ALG13: variants seen among roughly 807,000 people sequenced by gnomAD.
The protein encoded by ALG13 is UDP-N-acetylglucosamine transferase subunit ALG13.
A neutral mutation model predicts 87.8 loss-of-function variants in ALG13; 11 were observed. The observed-to-expected ratio is 0.13, with a 90% confidence interval of 0.08 to 0.21. The LOEUF is 0.21. Ranked by LOEUF, ALG13 falls within the 10% of genes least tolerant of loss-of-function variation. ALG13 has a pLI of 1.00. For missense variants in ALG13, 756 were observed against 866.1 expected (o/e 0.87, Z 1.60); for synonymous variants, 320 against 306.3 (o/e 1.04, Z -0.47).
intron 24 of ALG13, among the ~76,000 whole-genome samples, chrX:111,746,662 T>C (rs1176521593): frequency 8.9e-6 from 1 of 112,429 alleles, no homozygotes; most frequent in East Asian, 2.8e-4. Flanking sequence ...GTAGAAGTCT[T>C]TGTAAACAGA....
At chrX:111,681,688 C>G in intron 1 of ALG13, 1 of 847,680 alleles carries the variant, frequency 1.2e-6, no homozygotes, top group Non-Finnish European at 1.4e-6. Flanking sequence ...GTGGACCGCA[C>G]GTCGGCGCCG....
At chrX:111,729,325 G>A (rs929703729) in intron 19 of ALG13, among the ~76,000 whole-genome samples, 4 of 111,616 alleles carry the variant, frequency 3.6e-5, no homozygotes, top group African/African-American at 1.3e-4. Flanking sequence ...TTAAGGAGGT[G>A]TCAGGCATTC....
intron 3 of ALG13, among the ~76,000 whole-genome samples, chrX:111,693,720 A>C (rs1275724568): frequency 4.5e-5 from 5 of 111,859 alleles, no homozygotes; most frequent in Non-Finnish European, 9.4e-5. Context: ...ATAGCTTTGA[A>C]CATGATTTTA....
In ALG13 at chrX:111,730,657, G is replaced by A. The variant is rs1461359285; in HGVS notation, c.2457+77G>A. 6 of 792,886 alleles carry A rather than the reference G, an allele frequency of 7.6e-6. 1 individual carries two copies. Among genetic ancestry groups the A allele is most frequent in the South Asian group, 5.2e-5 (2 of 38,810 alleles). The allele number at this position is 792,886 out of a possible 1,213,427, so 65.3% of individuals were successfully genotyped here. On this transcript the variant is annotated intron_variant, in intron 21 of 26. Transcript: ENST00000394780. ...ACTGTTAAGAGCTATACATATAAAT[G>A]TATTTAAATCAGAACAACCCTGTGA...
intron 3 of ALG13, among the ~76,000 whole-genome samples, chrX:111,695,237 C>T (rs1936793614): frequency 9.0e-6 from 1 of 111,527 alleles, no homozygotes; most frequent in Non-Finnish European, 1.9e-5. Context: ...CAAAAAACAA[C>T]CTTCTGCTGG....
chrX:111,711,798 G>C (rs1368858147), intron 6 of ALG13, 73 bp downstream of exon 6: 1 of 1,023,535 alleles, frequency 9.8e-7, no homozygotes, highest in African/African-American at 1.9e-5. Context: ...TCATTCAACT[G>C]TATTATTTTA....
chrX:111,684,627 T>G (rs1238469172), intron 2 of ALG13, among the ~76,000 whole-genome samples: 1 of 112,109 alleles, frequency 8.9e-6, no homozygotes. Context: ...ACCTAGCCTG[T>G]TTTCAACTTA....
intron 3 of ALG13, chrX:111,688,582 C>A: frequency 1.3e-6 from 1 of 748,552 alleles, no homozygotes; most frequent in Non-Finnish European, 1.6e-6. Flanking sequence ...TTTTCTAAAA[C>A]ATACAAAGTG....
At chrX:111,757,430 C>T in intron 25 of ALG13, 158 bp from the exon 26 acceptor site, 2 of 381,662 alleles carry the variant, frequency 5.2e-6, no homozygotes, top group Non-Finnish European at 9.0e-6. Context: ...AGAGAACAGA[C>T]TGTCAAGTTT....
rs761077008 is a variant in ALG13 at position 111,726,903 on chromosome X, C to A, written c.1824C>A (p.Asp608Glu). 8.3e-7 allele frequency: 1 copy of A among 1,210,912 alleles called. No homozygotes were observed. Among genetic ancestry groups the A allele is most frequent in the East Asian group, 3.0e-5 (1 of 33,818 alleles). ...TGACTATGGCTTACGGCAAGGGAGA[C>A]CCCCTCCTCCCACCCAGGCTGCAGC... Reference protein sequence around the residue: ...VYMTMAYGKGDPLLPPRLQHS... With the variant: ...VYMTMAYGKGEPLLPPRLQHS... The change falls in exon 16 of 27, where the codon GAC becomes GAA. Residue 608 changes from aspartate (D) to glutamate (E), a missense_variant. This residue lies in a region of ALG13 where 362 missense variants were observed against 383.5 expected (regional missense o/e 0.94). Coordinates refer to ENST00000394780, the MANE Select transcript of ALG13 (RefSeq NM_001099922.3).
intron 25 of ALG13, among the ~76,000 whole-genome samples, chrX:111,754,685 G>A (rs1409790485): frequency 9.0e-6 from 1 of 111,409 alleles, no homozygotes; most frequent in Non-Finnish European, 1.9e-5. Context: ...TTGCTACAAA[G>A]AGAATAAAAT....
In ALG13 at chrX:111,711,687, T is replaced by C; in HGVS notation, c.847T>C (p.Ser283Pro). The C allele has an allele frequency of 8.3e-7, 1 of 1,208,211 alleles. No homozygotes were observed. The highest frequency in any genetic ancestry group is 1.1e-6 in the Non-Finnish European group (1 of 893,265). ...QQTFESYVEG[S>P]FEKYLERLGD... ...TTTATTTTTGAAGTATGTGGAGGGA[T>C]CTTTTGAGAAATACCTGGAACGGTT... The change falls in exon 6 of 27, where the codon TCT (serine) becomes CCT (proline). Residue 283 changes from serine to proline, a missense_variant. Around this residue, in one of 9 missense-constraint regions of ALG13, gnomAD observed 60 missense variants for 54.5 expected, o/e 1.10. Coordinates refer to ENST00000394780, the MANE Select transcript of ALG13 (RefSeq NM_001099922.3).
chrX:111,745,815 A>G (rs1254165330), intron 24 of ALG13, among the ~76,000 whole-genome samples: 4 of 111,208 alleles, frequency 3.6e-5, no homozygotes, highest in Non-Finnish European at 7.5e-5. Context: ...TAATAGTGGT[A>G]TCATTTCCAC....
At chrX:111,739,282 C>T (rs1758365939) in intron 23 of ALG13, among the ~76,000 whole-genome samples, 1 of 111,882 alleles carries the variant, frequency 8.9e-6, no homozygotes, top group Admixed American at 9.5e-5. Flanking sequence ...ACAAGAACAG[C>T]ATAGGGGAAA....
At chrX:111,683,487 G>A (rs1602483102) in intron 2 of ALG13, among the ~76,000 whole-genome samples, 1 of 107,666 alleles carries the variant, frequency 9.3e-6, no homozygotes, top group South Asian at 4.2e-4. Flanking sequence ...ACACTACCAC[G>A]CCCCGGCTAA....
At position 111,726,590 on chromosome X, in the gene ALG13, G is replaced by A. The variant is rs749905720; in HGVS notation, c.1730-219G>A. Among the ~76,000 whole-genome samples the A allele has an allele frequency of 5.4e-5, 6 of 110,749 alleles. No individual in the cohort carries two copies. The East Asian group carries it at 1.1e-3, about 21-fold the overall frequency. ...ACCTGCCCATGCTGGGGATAGTGCC[G>A]AGATATACCCATTGATACAGAAATT... On this transcript the variant is annotated intron_variant, in intron 15 of 26. Coordinates refer to ENST00000394780, the MANE Select transcript of ALG13 (RefSeq NM_001099922.3).
intron 3 of ALG13, among the ~76,000 whole-genome samples, chrX:111,695,499 G>C (rs1365156024): frequency 5.5e-5 from 6 of 108,244 alleles, no homozygotes; most frequent in Non-Finnish European, 1.1e-4. Flanking sequence ...CTCCAGTCTG[G>C]GCAACAAGAG....
chrX:111,722,900 G>A, intron 13 of ALG13, 43 bp downstream of exon 13: 4 of 982,853 alleles, frequency 4.1e-6, no homozygotes, highest in Non-Finnish European at 5.7e-6. Context: ...TTAAGAATGT[G>A]CTTTTTGTCA....
chrX:111,695,392 A>C (rs1936826456), intron 3 of ALG13, among the ~76,000 whole-genome samples: 1 of 110,404 alleles, frequency 9.1e-6, no homozygotes, highest in Non-Finnish European at 1.9e-5. Flanking sequence ...GCTTGGTGGC[A>C]CATGCCTGTA....
Sources: allele counts gnomAD v4.1 joint callset (sites outside exome capture counted in the v4.1 genomes callset), GRCh38; gene constraint gnomAD v4.1.1; regional missense constraint gnomAD v4.1.1; transcripts MANE v1.5; gene names NCBI Gene and HGNC (gene_info 2026-07-23, HGNC 2026-07-21).